The following CDH18 variants were observed in gnomAD, a reference collection of about 807,000 sequenced individuals.
CDH18 encodes the protein cadherin-18.
Under a neutral mutation model 67.9 loss-of-function variants are expected in CDH18, and 31 were observed. The ratio of observed to expected loss-of-function variants is 0.46; its 90% CI spans 0.34 to 0.62. CDH18 has a LOEUF of 0.62. Ranked by LOEUF, CDH18 falls within the 20% of genes least tolerant of loss-of-function variation. The probability of loss-of-function intolerance (pLI) is 0.01; values close to 1 mark genes in which losing one functional copy is unlikely to be tolerated. For synonymous variants in CDH18, 362 were observed against 347.2 expected (o/e 1.04, Z -0.48); for missense variants, 890 against 975.5 (o/e 0.91, Z 1.17).
rs991994887 is a variant in CDH18 at position 19,682,756 on chromosome 5, A to C, written c.643+38591T>G. ...TAAATGATGGGATAATATTTGCCCA[A>C]AAAGCAAGGCATTGATTGATACTAT... On this transcript the variant is annotated intron_variant, in intron 5 of 12. Transcript: ENST00000382275. Among the ~76,000 whole-genome samples, 5 of 152,202 alleles carry C rather than the reference A, an allele frequency of 3.3e-5. No homozygotes were observed. In the East Asian group the frequency reaches 9.7e-4, roughly 29 times the overall value.
At chr5:19,666,147 A>C (rs1034775065) in intron 5 of CDH18, among the ~76,000 whole-genome samples, 4 of 151,448 alleles carry the variant, frequency 2.6e-5, no homozygotes, top group African/African-American at 7.3e-5. Flanking sequence ...ATAGCTCCCT[A>C]CAGCCTCAGC....
intron 3 of CDH18, among the ~76,000 whole-genome samples, chr5:19,806,610 T>C (rs1778054973): frequency 6.6e-6 from 1 of 152,236 alleles, no homozygotes; most frequent in South Asian, 2.1e-4. Flanking sequence ...TAATACATGT[T>C]ACAAGTATGT....
chr5:20,512,508 T>C (rs1028039530), intron 1 of CDH18, among the ~76,000 whole-genome samples: 11 of 152,156 alleles, frequency 7.2e-5, no homozygotes, highest in African/African-American at 2.7e-4. Flanking sequence ...AAAGTAAAAT[T>C]CATGCTGTAT....
At chr5:19,991,549 C>T (rs1799978267), upstream of CDH18, among the ~76,000 whole-genome samples, 2 of 152,000 alleles carry the variant, frequency 1.3e-5, no homozygotes, top group African/African-American at 2.4e-5. Context: ...TTCTCTGCAA[C>T]TATTTATTTT....
chr5:20,469,508 A>G (rs1751900299), intron 1 of CDH18, among the ~76,000 whole-genome samples: 1 of 152,100 alleles, frequency 6.6e-6, no homozygotes, highest in Non-Finnish European at 1.5e-5. Flanking sequence ...TCTTTCTTCA[A>G]CCTTTTCACT....
At chr5:20,334,750 TCATA>T (rs1421157476) in intron 1 of CDH18, among the ~76,000 whole-genome samples, 25 of 99,278 alleles carry the variant, frequency 2.5e-4, no homozygotes, top group East Asian at 1.0e-3. Flanking sequence ...TCTCTCTCTC[TCATA>T]CACACACACA....
intron 1 of CDH18, among the ~76,000 whole-genome samples, chr5:20,429,691 C>G (rs1240482831): frequency 6.6e-6 from 1 of 152,172 alleles, no homozygotes; most frequent in East Asian, 1.9e-4. Context: ...CAAGTAAGAA[C>G]TGCAGTTTGC....
At position 20,162,708 on chromosome 5, in the gene CDH18, C is replaced by CAT. The variant is rs201819718; in HGVS notation, c.-518+92734_-518+92735dup. Among the ~76,000 whole-genome samples, 625 of 151,220 alleles carry CAT rather than the reference C, an allele frequency of 4.1e-3. 4 individuals carry two copies. Among genetic ancestry groups the CAT allele is most frequent in the African/African-American group, 0.014 (593 of 41,256 alleles). On this transcript the variant is annotated intron_variant, in intron 2 of 14. Coordinates refer to the CDH18 transcript ENST00000507958. ...GAGTTTATGTATATGTATATACATACATATATATATGTCTTTATAATATTC... is the reference window on the plus strand; with the variant it reads ...GAGTTTATGTATATGTATATACATACATATATATATATGTCTTTATAATATTC...
intron 2 of CDH18, among the ~76,000 whole-genome samples, chr5:19,994,641 C>T (rs962051447): frequency 7.1e-6 from 1 of 140,910 alleles, no homozygotes; most frequent in East Asian, 2.1e-4. Context: ...CCTCACTACC[C>T]TCTAGCAATA....
chr5:20,176,810 A>T (rs1737271656), intron 2 of CDH18, among the ~76,000 whole-genome samples: 1 of 152,130 alleles, frequency 6.6e-6, no homozygotes, highest in South Asian at 2.1e-4. Context: ...GTTTAGAAGG[A>T]CCCTATCTCT....
At chr5:19,622,973 T>C (rs959724212) in intron 5 of CDH18, among the ~76,000 whole-genome samples, 10 of 152,330 alleles carry the variant, frequency 6.6e-5, no homozygotes, top group African/African-American at 2.4e-4. Context: ...AAACCAGTTA[T>C]GTTTGGTTTT....
intron 1 of CDH18, among the ~76,000 whole-genome samples, chr5:20,344,556 C>T (rs779814505): frequency 3.4e-4 from 52 of 151,634 alleles, no homozygotes; most frequent in Non-Finnish European, 6.6e-4. Context: ...TATACAAGGG[C>T]TGTCACCTAG....
chr5:19,591,009 G>T, intron 7 of CDH18, 48 bp downstream of exon 7: 1 of 1,250,266 alleles, frequency 8.0e-7, no homozygotes, highest in East Asian at 2.4e-5. Flanking sequence ...TTCCATTCAG[G>T]AAAAGATGAG....
At chr5:19,571,081 G>A (rs1021952019) in intron 8 of CDH18, among the ~76,000 whole-genome samples, 1 of 152,152 alleles carries the variant, frequency 6.6e-6, no homozygotes, top group African/African-American at 2.4e-5. Flanking sequence ...AGTGCTTTAC[G>A]CACATTGCTT....
At chr5:19,794,780 A>G (rs988308043) in intron 3 of CDH18, among the ~76,000 whole-genome samples, 1 of 152,146 alleles carries the variant, frequency 6.6e-6, no homozygotes, top group South Asian at 2.1e-4. Flanking sequence ...TGATAATTCA[A>G]TGTGTGAAAT....
intron 1 of CDH18, among the ~76,000 whole-genome samples, chr5:20,456,353 A>C (rs1750835379): frequency 6.6e-6 from 1 of 152,244 alleles, no homozygotes; most frequent in East Asian, 1.9e-4. Context: ...TCAGGTTTTC[A>C]ATTTTTTAAG....
chr5:20,127,663 AAGT>A (rs1466138508), intron 2 of CDH18, among the ~76,000 whole-genome samples: 1 of 152,080 alleles, frequency 6.6e-6, no homozygotes, highest in African/African-American at 2.4e-5. Flanking sequence ...TGGAAACAAA[AAGT>A]AGAATGATGA....
In CDH18 at chr5:19,524,305, ATATT is replaced by A. The variant is rs1425238056; in HGVS notation, c.1391-3531_1391-3528del. Among the ~76,000 whole-genome samples, 3 of 149,424 alleles carry A rather than the reference ATATT, an allele frequency of 2.0e-5. No individual in the cohort carries two copies. The South Asian group carries it at 6.3e-4, about 31-fold the overall frequency. ...GATAATATGATGCTTGTATATTATT[ATATT>A]AATTATATATTATATTGATAAATGA... On this transcript the variant is annotated intron_variant, in intron 9 of 12. Transcript: ENST00000382275.
intron 1 of CDH18, among the ~76,000 whole-genome samples, chr5:20,489,622 C>A (rs1003204478): frequency 6.6e-6 from 1 of 151,924 alleles, no homozygotes; most frequent in African/African-American, 2.4e-5. Context: ...TATTACAGTT[C>A]AAGATAAAAA....
Sources: gnomAD v4.1 joint callset for allele counts (sites outside exome capture counted in the v4.1 genomes callset) on GRCh38, gnomAD v4.1.1 for gene constraint, MANE v1.5 for transcripts, NCBI Gene and HGNC (gene_info 2026-07-23, HGNC 2026-07-21) for gene names.